MAP7: variants seen among roughly 807,000 people sequenced by gnomAD.
MAP7 encodes the protein microtubule associated protein 7.
Under a neutral mutation model 94.8 loss-of-function variants are expected in MAP7, and 52 were observed. The observed-to-expected ratio is 0.55, with a 90% CI of 0.44 to 0.69. MAP7 has a LOEUF of 0.69. MAP7 is among the 30% of genes least tolerant of loss of function. MAP7 has a pLI of 0.00. For synonymous variants in MAP7, 350 were observed against 357.0 expected (o/e 0.98, Z 0.22); for missense variants, 940 against 964.6 (o/e 0.97, Z 0.34).
intron 16 of MAP7, among the ~76,000 whole-genome samples, chr6:136,356,444 G>A (rs930347540): frequency 6.6e-6 from 1 of 152,150 alleles, no homozygotes; most frequent in Non-Finnish European, 1.5e-5. Context: ...GGGATTACAG[G>A]AGTGAGCCCT....
Position 136,397,632 on chromosome 6 carries a change from C to T in MAP7, c.245-8115G>A, listed in dbSNP as rs564090706. Reference sequence around the variant, plus strand: ...AGATGGCACCCTAACCTAACAGATTCAGAGGAAATACCATGTGAGGACAAA... The same window carrying T: ...AGATGGCACCCTAACCTAACAGATTTAGAGGAAATACCATGTGAGGACAAA... On this transcript the variant is annotated intron_variant, in intron 3 of 17. Transcript: ENST00000354570. Among the ~76,000 whole-genome samples, 81 of 151,952 alleles carry T rather than the reference C, an allele frequency of 5.3e-4. 1 individual carries two copies. The highest frequency in any genetic ancestry group is 1.9e-3 in the African/African-American group (77 of 41,414).
At chr6:136,475,177 A>T (rs1810467887) in intron 1 of MAP7, among the ~76,000 whole-genome samples, 1 of 152,232 alleles carries the variant, frequency 6.6e-6, no homozygotes, top group Non-Finnish European at 1.5e-5. Flanking sequence ...AAGGGGAATT[A>T]GTAGGTCAAA....
At chr6:136,520,696 A>G (rs1826154225) in intron 1 of MAP7, among the ~76,000 whole-genome samples, 1 of 152,184 alleles carries the variant, frequency 6.6e-6, no homozygotes, top group African/African-American at 2.4e-5. Context: ...GCACCCAAGG[A>G]AAGTCTGGAG....
chr6:136,525,975 C>T lies in MAP7; in HGVS notation c.67+24367G>A, dbSNP rs774832350. The T allele has an allele frequency of 8.2e-6, 12 of 1,459,426 alleles. No individual in the cohort carries two copies. The South Asian group carries it at 1.1e-4, about 13-fold the overall frequency. 90.4% of individuals were successfully genotyped at this position (1,459,426 alleles called of 1,614,324 possible). ...AGCTGATCCAGGCATACCGCTGCTACTTGTTTTTTTTTTTTTTAATTGTGA... is the reference window on the plus strand; with the variant it reads ...AGCTGATCCAGGCATACCGCTGCTATTTGTTTTTTTTTTTTTTAATTGTGA... On this transcript the variant is annotated intron_variant, in intron 1 of 17. Coordinates refer to ENST00000354570, the MANE Select transcript of MAP7 (RefSeq NM_003980.6).
At chr6:136,526,369 A>C (rs561715483) in intron 1 of MAP7, 6 of 992,472 alleles carry the variant, frequency 6.0e-6, no homozygotes, top group Non-Finnish European at 7.2e-6. Flanking sequence ...AACCTGTTCA[A>C]TCAGATCCCA....
chr6:136,414,136 C>G (rs1276871810), intron 2 of MAP7, among the ~76,000 whole-genome samples: 2 of 150,636 alleles, frequency 1.3e-5, no homozygotes, highest in Non-Finnish European at 3.0e-5. Flanking sequence ...GCCTGTAGTC[C>G]CAGCTACTCG....
In MAP7 at chr6:136,372,481, T is replaced by C. The variant is rs1190840224; in HGVS notation, c.876+20A>G. On this transcript the variant is annotated intron_variant, in intron 8 of 17. Transcript: ENST00000354570. ...GCACTGGCTCCCAGACTTGCCCAGC[T>C]GCTCCCAACAGCTACTCACCGCTGT... The C allele has an allele frequency of 1.9e-6, 3 of 1,613,574 alleles. No homozygotes were observed. In the African/African-American group the frequency reaches 4.0e-5, roughly 22 times the overall value.
chr6:136,517,913 C>A (rs1022160803), intron 1 of MAP7, among the ~76,000 whole-genome samples: 2 of 152,150 alleles, frequency 1.3e-5, no homozygotes, highest in Non-Finnish European at 2.9e-5. Context: ...AAGGGGGTAA[C>A]TTCTCTTAAA....
chr6:136,396,941 T>G (rs1562352483), intron 3 of MAP7, among the ~76,000 whole-genome samples: 2 of 152,214 alleles, frequency 1.3e-5, no homozygotes, highest in Admixed American at 6.5e-5. Flanking sequence ...GTGCTATAAA[T>G]CACAGTAGAG....
At chr6:136,414,587 T>C (rs2128750041) in intron 2 of MAP7, among the ~76,000 whole-genome samples, 1 of 152,164 alleles carries the variant, frequency 6.6e-6, no homozygotes, top group South Asian at 2.1e-4. Flanking sequence ...GAAAGACCTT[T>C]AACAATTACT....
At chr6:136,346,961 T>C (rs1787880379) in intron 16 of MAP7, among the ~76,000 whole-genome samples, 1 of 152,082 alleles carries the variant, frequency 6.6e-6, no homozygotes, top group Non-Finnish European at 1.5e-5. Context: ...TGAAGACCGA[T>C]CTTCTTATCT....
At chr6:136,530,049 C>T (rs1472961070) in intron 1 of MAP7, among the ~76,000 whole-genome samples, 2 of 152,222 alleles carry the variant, frequency 1.3e-5, no homozygotes, top group Admixed American at 6.5e-5. Context: ...CACATTTATG[C>T]TTCCTAGACT....
intron 1 of MAP7, among the ~76,000 whole-genome samples, chr6:136,540,627 C>A (rs540568242): frequency 6.6e-6 from 1 of 152,276 alleles, no homozygotes; most frequent in Admixed American, 6.5e-5. Context: ...AGACTTAGGG[C>A]AATTGCTATT....
chr6:136,458,771 AC>A (rs1363767084), intron 1 of MAP7, among the ~76,000 whole-genome samples: 1 of 152,132 alleles, frequency 6.6e-6, no homozygotes, highest in Non-Finnish European at 1.5e-5. Flanking sequence ...TGGATTAAAC[AC>A]CTAAATGTGA....
intron 1 of MAP7, among the ~76,000 whole-genome samples, chr6:136,470,117 C>T (rs2128935210): frequency 6.6e-6 from 1 of 152,278 alleles, no homozygotes; most frequent in South Asian, 2.1e-4. Context: ...CATGTGGAGG[C>T]CCTTCCCATC....
At chr6:136,479,670 C>T (rs1175336166) in intron 1 of MAP7, among the ~76,000 whole-genome samples, 1 of 152,068 alleles carries the variant, frequency 6.6e-6, no homozygotes, top group Non-Finnish European at 1.5e-5. Flanking sequence ...TTGCAGGATA[C>T]AAAATCAAAC....
At chr6:136,489,526 C>CTTTTTTTT (rs1164047042) in intron 1 of MAP7, among the ~76,000 whole-genome samples, 3 of 103,000 alleles carry the variant, frequency 2.9e-5, no homozygotes, top group Admixed American at 1.1e-4. Flanking sequence ...CATCAGGTTT[C>CTTTTTTTT]TTTTTTTTTT....
intron 3 of MAP7, among the ~76,000 whole-genome samples, chr6:136,402,885 G>T (rs1424414328): frequency 2.8e-5 from 3 of 105,602 alleles, no homozygotes; most frequent in African/African-American, 3.7e-5. Flanking sequence ...CGGCCTGGGC[G>T]AAAGAGCAAG....
At chr6:136,462,169 T>TA (rs35449742) in intron 1 of MAP7, among the ~76,000 whole-genome samples, 101,214 of 137,244 alleles carry the variant, frequency 0.74, 37,909 homozygotes, top group South Asian at 0.82. Flanking sequence ...ACCCTTCTCT[T>TA]AAAAAAAAAA....
Sources: gnomAD v4.1 joint callset for allele counts (sites outside exome capture counted in the v4.1 genomes callset) on GRCh38, gnomAD v4.1.1 for gene constraint, MANE v1.5 for transcripts, NCBI Gene and HGNC (gene_info 2026-07-23, HGNC 2026-07-21) for gene names.